Variants in ARMC12 observed in about 807,000 individuals in gnomAD.
ARMC12 encodes the protein armadillo repeat containing 12, also known as armadillo repeat-containing protein 12.
ARMC12 carries 25 observed loss-of-function variants against 37.4 expected under a neutral mutation model. That is an observed-to-expected ratio of 0.67 (90% CI 0.49 to 0.93). The LOEUF (loss-of-function observed/expected upper bound fraction) is 0.93, where lower values mean the gene tolerates loss of function less well. Among genes scored for constraint, ARMC12 ranks in the 40% least tolerant of loss-of-function variants. The pLI is 0.00. For synonymous variants in ARMC12, 167 were observed against 176.1 expected, an observed-to-expected ratio of 0.95 and a Z score of 0.41; for missense variants, 384 against 426.6, an observed-to-expected ratio of 0.90 and a Z score of 0.88.
intron 3 of ARMC12, among the ~76,000 whole-genome samples, chr6:35,741,794 CTA>C (rs1394670039): frequency 6.6e-6 from 1 of 152,072 alleles, no homozygotes; most frequent in East Asian, 1.9e-4. Flanking sequence ...ATATGCACAA[CTA>C]TGATATATCA....
intron 1 of ARMC12, among the ~76,000 whole-genome samples, chr6:35,737,621 T>A (rs1767009948): frequency 1.3e-5 from 2 of 152,224 alleles, no homozygotes; most frequent in African/African-American, 2.4e-5. Flanking sequence ...AAAGGGAAGA[T>A]TGGAGGACTT....
At chr6:35,745,875 G>A (rs1037374802) in intron 3 of ARMC12, among the ~76,000 whole-genome samples, 1 of 152,020 alleles carries the variant, frequency 6.6e-6, no homozygotes, top group African/African-American at 2.4e-5. Flanking sequence ...GCGAAAACCC[G>A]TCTCTACTAA....
upstream of ARMC12, among the ~76,000 whole-genome samples, chr6:35,732,112 C>T (rs936557862): frequency 6.6e-6 from 1 of 152,142 alleles, no homozygotes; most frequent in Non-Finnish European, 1.5e-5. Flanking sequence ...CGGGGAAAGG[C>T]GCGGCCTCCT....
intron 3 of ARMC12, among the ~76,000 whole-genome samples, chr6:35,746,038 G>A (rs948111694): frequency 5.4e-5 from 8 of 149,224 alleles, no homozygotes; most frequent in South Asian, 4.2e-4. Flanking sequence ...AGAGTGAGAC[G>A]GTCTCCAATA....
intron 3 of ARMC12, among the ~76,000 whole-genome samples, chr6:35,741,366 G>T (rs1767162157): frequency 6.6e-6 from 1 of 151,916 alleles, no homozygotes; most frequent in African/African-American, 2.4e-5. Context: ...CACCAGCCCT[G>T]CACGAGTGTT....
intron 1 of ARMC12, among the ~76,000 whole-genome samples, chr6:35,737,705 A>G (rs1767013273): frequency 6.6e-6 from 1 of 151,810 alleles, no homozygotes; most frequent in Admixed American, 6.6e-5. Flanking sequence ...CTTCTGCAAG[A>G]CTCTTTATTG....
Position 35,747,640 on chromosome 6 carries a change from A to T in ARMC12, c.683A>T (p.Asn228Ile). The T allele has an allele frequency of 6.2e-7, 1 of 1,613,964 alleles. No individual in the cohort carries two copies. Among genetic ancestry groups the T allele is most frequent in the South Asian group, 1.1e-5 (1 of 91,074 alleles). The change falls in exon 5 of 6, where the codon AAC becomes ATC. Residue 228 changes from asparagine to isoleucine, a missense_variant. Physicochemically the swap from Asn to Ile is moderately radical, Grantham distance 149. Coordinates refer to ENST00000373866, the MANE Select transcript of ARMC12 (RefSeq NM_001286574.2). ...AATGACCTTCTCTATGACATTCTCA[A>T]CTGCCAGGTGAGAAAGAAATTGAAG... ...QKNDLLYDIL[N>I]CQVHSNFLNL...
At chr6:35,738,282 G>GT (rs1767044752) in intron 2 of ARMC12, 102 bp from the exon 3 acceptor site, 3 of 1,212,750 alleles carry the variant, frequency 2.5e-6, no homozygotes, top group South Asian at 1.4e-5. Context: ...CTGGCTGATA[G>GT]CGGTGGGGGG....
chr6:35,737,984 C>A, intron 1 of ARMC12, 43 bp from the exon 2 acceptor site: 1 of 1,607,568 alleles, frequency 6.2e-7, no homozygotes, highest in Non-Finnish European at 8.5e-7. Context: ...TCTTTCATCA[C>A]TTCTGAGTCC....
intron 5 of ARMC12, 65 bp from the exon 6 acceptor site, chr6:35,748,473 C>T (rs73729780): frequency 5.2e-6 from 7 of 1,342,546 alleles, no homozygotes; most frequent in Admixed American, 2.7e-5. Flanking sequence ...TAGGAATATA[C>T]AAGAACAAGA....
intron 4 of ARMC12, 37 bp from the exon 5 acceptor site, chr6:35,747,539 A>G (rs1255252286): frequency 6.2e-7 from 1 of 1,613,288 alleles, no homozygotes; most frequent in Non-Finnish European, 8.5e-7. Context: ...GCCCAGACTC[A>G]CCTGCCTTCT....
At chr6:35,746,819 G>A (rs561445160) in intron 3 of ARMC12, among the ~76,000 whole-genome samples, 1 of 152,080 alleles carries the variant, frequency 6.6e-6, no homozygotes, top group African/African-American at 2.4e-5. Context: ...GTCTGGGGAT[G>A]GGGGAGCGTG....
chr6:35,732,083 G>C (rs1002218342), upstream of ARMC12, among the ~76,000 whole-genome samples: 1 of 152,268 alleles, frequency 6.6e-6, no homozygotes, highest in East Asian at 1.9e-4. Context: ...GGGAGAGCAA[G>C]ACCGGGGGAG....
chr6:35,740,627 C>G (rs1001359334), intron 3 of ARMC12, among the ~76,000 whole-genome samples: 1 of 152,164 alleles, frequency 6.6e-6, no homozygotes, highest in African/African-American at 2.4e-5. Flanking sequence ...GCACAGCCCC[C>G]TCCCACATCT....
At chr6:35,738,549 A>G in intron 3 of ARMC12, 31 bp downstream of exon 3, 4 of 1,613,124 alleles carry the variant, frequency 2.5e-6, no homozygotes, top group Non-Finnish European at 3.4e-6. Context: ...TGGGGCATGC[A>G]GGATGTCTAT....
At chr6:35,744,100 G>C (rs1052304133) in intron 3 of ARMC12, among the ~76,000 whole-genome samples, 1 of 152,138 alleles carries the variant, frequency 6.6e-6, no homozygotes, top group Non-Finnish European at 1.5e-5. Flanking sequence ...ATCCTGTTAA[G>C]AGAATGAAAA....
In ARMC12 at chr6:35,737,126, C is replaced by T; in HGVS notation, c.18C>T (p.Pro6=). Reference sequence around the variant, plus strand: ...CTGAAGACATGGGCAAGAGCATCCCCCAATACCTGGGGCAACTGGACATCC... The same window carrying T: ...CTGAAGACATGGGCAAGAGCATCCCTCAATACCTGGGGCAACTGGACATCC... MGKSI[P]QYLGQLDIRK... is the part of the protein sequence containing the mutation. Residue 6 remains proline, a synonymous_variant, in exon 1 of 6, where the codon CCC becomes CCT. Transcript: ENST00000373866. 6.2e-7 allele frequency: 1 copy of T among 1,614,182 alleles called. No individual in the cohort carries two copies. Among genetic ancestry groups the T allele is most frequent in the Non-Finnish European group, 8.5e-7 (1 of 1,180,036 alleles).
chr6:35,742,602 A>G (rs937401076), intron 3 of ARMC12, among the ~76,000 whole-genome samples: 1 of 146,284 alleles, frequency 6.8e-6, no homozygotes, highest in African/African-American at 2.6e-5. Context: ...CCTGAGTCCC[A>G]CTCTTCCTTT....
chr6:35,743,264 T>TG (rs1164201971), intron 3 of ARMC12, among the ~76,000 whole-genome samples: 2 of 151,648 alleles, frequency 1.3e-5, no homozygotes, highest in Non-Finnish European at 2.9e-5. Flanking sequence ...TTGCCAAGGC[T>TG]GGAGTGCAAT....
Sources: allele counts gnomAD v4.1 joint callset (sites outside exome capture counted in the v4.1 genomes callset), GRCh38; gene constraint gnomAD v4.1.1; transcripts MANE v1.5; gene names NCBI Gene and HGNC (gene_info 2026-07-23, HGNC 2026-07-21).